The following CARS1 variants were observed in gnomAD, a reference collection of about 807,000 sequenced individuals.
CARS1 encodes cysteinyl-tRNA synthetase 1, also known as cysteine--tRNA ligase, cytoplasmic.
A neutral mutation model predicts 106.2 loss-of-function variants in CARS1; 48 were observed. The ratio of observed to expected loss-of-function variants is 0.45; its 90% confidence interval spans 0.36 to 0.57. CARS1 has a LOEUF of 0.57. CARS1 is among the 20% of genes least tolerant of loss of function. The pLI is 0.00. For missense variants in CARS1, 968 were observed against 1,057.2 expected (o/e 0.92, Z 1.17); for synonymous variants, 409 against 403.4 (o/e 1.01, Z -0.17).
Position 3,001,118 on chromosome 11 carries a change from T to C in CARS1, c.2492A>G (p.Gln831Arg), listed in dbSNP as rs1008411733. The C allele has an allele frequency of 6.2e-6, 10 of 1,614,070 alleles. No homozygotes were observed. In the African/African-American group the frequency reaches 1.1e-4, roughly 17 times the overall value. ...YLQMAQNGSF[Q>R] ...AAAAGTCAGTCCTGTGCCCCCTCACTGGAAGCTTCCATTCTGGGCCATCTG... is the reference window on the plus strand; with the variant it reads ...AAAAGTCAGTCCTGTGCCCCCTCACCGGAAGCTTCCATTCTGGGCCATCTG... The change falls in exon 23 of 23, where the codon CAG becomes CGG. Residue 831 changes from glutamine (Q) to arginine (R), a missense_variant. Physicochemically the swap from Gln to Arg is conservative, Grantham distance 43 (BLOSUM62 1). Transcript: ENST00000380525.
At chr11:3,009,043 A>C (rs1850189594) in intron 18 of CARS1, 2 of 152,316 alleles carry the variant, frequency 1.3e-5, no homozygotes, top group African/African-American at 4.8e-5. Context: ...CCTCAGGCCC[A>C]CACCGACCTC....
At chr11:3,002,637 G>A (rs758847010) in intron 20 of CARS1, 37 bp from the exon 21 acceptor site, 2 of 1,612,752 alleles carry the variant, frequency 1.2e-6, no homozygotes, top group Non-Finnish European at 1.7e-6. Context: ...AGACAGGGCT[G>A]CCTCAGGCTG....
At chr11:3,007,298 CA>C (rs140654588) in intron 18 of CARS1, 526 of 375,412 alleles carry the variant, frequency 1.4e-3, no homozygotes, top group African/African-American at 1.0e-2. Flanking sequence ...GGGCCGACAG[CA>C]GGGGTGGGAG....
In CARS1 at chr11:3,040,550, C is replaced by T. The variant is rs399565; in HGVS notation, c.455+346G>A. 0.39 allele frequency: 191,697 copies of T among 497,304 alleles called. 41,272 individuals are homozygous for T. Among genetic ancestry groups the T allele is most frequent in the East Asian group, 0.66 (11,929 of 17,966 alleles). 30.8% of individuals were successfully genotyped at this position (497,304 alleles called of 1,614,324 possible). ...TCAGGCCTGTCAGGTCTGAGTGTCA[C>T]GGGAACTCAGCATCTGGGGACCCCA... is the stretch of plus-strand genomic sequence containing the variant. On this transcript the variant is annotated intron_variant, in intron 4 of 22. Coordinates refer to ENST00000380525, the MANE Select transcript of CARS1 (RefSeq NM_001014437.3). This position sits in a 1 kb window ranked among gnomAD's most constrained non-coding sequence, Gnocchi z 5.8.
At chr11:3,036,844 T>C (rs967167311) in intron 7 of CARS1, among the ~76,000 whole-genome samples, 1 of 151,632 alleles carries the variant, frequency 6.6e-6, no homozygotes, top group Non-Finnish European at 1.5e-5. Flanking sequence ...CATTCAGCCA[T>C]AGGAAGGAAG....
chr11:3,032,714 C>G (rs1302941383), intron 7 of CARS1, among the ~76,000 whole-genome samples: 1 of 151,886 alleles, frequency 6.6e-6, no homozygotes, highest in East Asian at 1.9e-4. Flanking sequence ...ACTACGGAGA[C>G]AGTAGAAAGA....
At position 3,052,420 on chromosome 11, in the gene CARS1, T is replaced by C. The variant is rs11827189; in HGVS notation, c.26-4419A>G. Reference sequence around the variant, plus strand: ...ATAATCGCTCTGGTATTATTAATGTTATTGTAATAGCCGCATGCTACACAC... The same window carrying C: ...ATAATCGCTCTGGTATTATTAATGTCATTGTAATAGCCGCATGCTACACAC... On this transcript the variant is annotated intron_variant, in intron 1 of 22. Coordinates refer to ENST00000380525, the MANE Select transcript of CARS1 (RefSeq NM_001014437.3). The surrounding 1 kb of genome is among the most constrained non-coding windows in gnomAD (Gnocchi z 4.6). Among the ~76,000 whole-genome samples, 17,216 of 152,322 alleles carry C rather than the reference T, an allele frequency of 0.11. 1,225 individuals are homozygous for C. The highest frequency in any genetic ancestry group is 0.19 in the African/African-American group (7,916 of 41,574).
chr11:3,032,852 C>G (rs1853042094), intron 7 of CARS1, among the ~76,000 whole-genome samples: 1 of 150,956 alleles, frequency 6.6e-6, no homozygotes, highest in African/African-American at 2.4e-5. Flanking sequence ...TGTCCAAACC[C>G]ATAGGATGTA....
At chr11:3,054,062 C>T (rs548276538) in intron 1 of CARS1, among the ~76,000 whole-genome samples, 3 of 152,236 alleles carry the variant, frequency 2.0e-5, no homozygotes, top group Non-Finnish European at 2.9e-5. Context: ...AGACATGAAT[C>T]GTGGGGAGGA....
At position 3,032,599 on chromosome 11, in the gene CARS1, A is replaced by G. The variant is rs77319602; in HGVS notation, c.802-3156T>C. 1.8e-4 allele frequency among the ~76,000 whole-genome samples: 27 copies of G among 152,130 alleles called. No individual in the cohort carries two copies. The East Asian group carries it at 4.4e-3, about 25-fold the overall frequency. On this transcript the variant is annotated intron_variant, in intron 7 of 22. Transcript: ENST00000380525. Reference sequence around the variant, plus strand: ...CTGGGTGAGGAAGAAATCCCTATGCATTTTGGTGATCAGAGGTGAAGTATT... The same window carrying G: ...CTGGGTGAGGAAGAAATCCCTATGCGTTTTGGTGATCAGAGGTGAAGTATT...
rs1259493426 is a variant in CARS1, at chr11:3,018,468, G to A, written c.1569C>T (p.Asp523=). The part of the protein sequence containing the change: ...RLAFLMHSWK[D]TLDYSSNTME... The stretch of plus-strand genomic sequence containing the variant: ...TGGTGTTGCTGGAGTAGTCCAGGGT[G>A]TCCTTCCACGAGTGCATGAGGAAGG... The change falls in exon 14 of 23, where the codon GAC becomes GAT. Residue 523 remains aspartate (D), a synonymous_variant. Transcript: ENST00000380525. 5.6e-6 allele frequency: 9 copies of A among 1,614,032 alleles called. No homozygotes were observed. Among genetic ancestry groups the A allele is most frequent in the Middle Eastern group, 1.6e-4 (1 of 6,084 alleles).
intron 2 of CARS1, 127 bp downstream of exon 2, chr11:3,047,612 CAGGCCACTTGCTCG>C (rs1204661688): frequency 5.2e-6 from 6 of 1,163,338 alleles, no homozygotes; most frequent in Middle Eastern, 2.1e-4. Context: ...TCTGCCCATC[CAGGCCACTTGCTCG>C]AGACACACTT....
At chr11:3,026,374 G>A (rs1395238803) in intron 10 of CARS1, among the ~76,000 whole-genome samples, 7 of 152,198 alleles carry the variant, frequency 4.6e-5, no homozygotes, top group Non-Finnish European at 8.8e-5. Context: ...AAAGGTAAAC[G>A]TCTAAGGTGA....
At chr11:3,015,639 G>C (rs1193264902) in intron 17 of CARS1, 142 bp downstream of exon 17, 3 of 729,222 alleles carry the variant, frequency 4.1e-6, no homozygotes, top group Non-Finnish European at 4.9e-6. Flanking sequence ...CTCAGAGCCA[G>C]AATTGCCATT....
In CARS1 at chr11:3,028,450, C is replaced by T. The variant is rs1015397907; in HGVS notation, c.1031+546G>A. On this transcript the variant is annotated intron_variant, in intron 9 of 22. Transcript: ENST00000380525. This position sits in a 1 kb window ranked among gnomAD's most constrained non-coding sequence, Gnocchi z 4.4. ...ACCGACCCTGTGGGGCTGGTCCCTA[C>T]ACACTACAGACAGATAACCGGGTTC... 3 of 224,916 alleles carry T rather than the reference C, an allele frequency of 1.3e-5. No homozygotes were observed. The highest frequency in any genetic ancestry group is 5.7e-5 in the Admixed American group (1 of 17,654). 13.9% of individuals were successfully genotyped at this position (224,916 alleles called of 1,614,324 possible).
At chr11:3,042,074 G>C (rs1854530065) in intron 3 of CARS1, 91 bp downstream of exon 3, 5 of 885,976 alleles carry the variant, frequency 5.6e-6, no homozygotes, top group Non-Finnish European at 7.3e-6. Flanking sequence ...ACAAGGAACA[G>C]AGAAGTCTGT....
Position 3,044,965 on chromosome 11 carries a change from G to A in CARS1, c.275-2709C>T, listed in dbSNP as rs151273139. Among the ~76,000 whole-genome samples, 2,504 of 152,196 alleles carry A rather than the reference G, an allele frequency of 0.016. 30 individuals are homozygous for A. The highest frequency in any genetic ancestry group is 0.048 in the Middle Eastern group (14 of 294). On this transcript the variant is annotated intron_variant, in intron 2 of 22. Coordinates refer to ENST00000380525, the MANE Select transcript of CARS1 (RefSeq NM_001014437.3). The surrounding 1 kb of genome is among the most constrained non-coding windows in gnomAD (Gnocchi z 4.4). ...ATCAGGAAGTTAAGGGTCCTCCATCGGAGGGGTGAGAGCAACACCAAACCT... is the reference window on the plus strand; with the variant it reads ...ATCAGGAAGTTAAGGGTCCTCCATCAGAGGGGTGAGAGCAACACCAAACCT...
At chr11:3,001,290 C>T (rs1277888002) in intron 22 of CARS1, 42 bp from the exon 23 acceptor site, 1 of 1,604,976 alleles carries the variant, frequency 6.2e-7, no homozygotes, top group Non-Finnish European at 8.5e-7. Flanking sequence ...TCCTCTGCAC[C>T]TGGGTAACCC....
Position 3,003,051 on chromosome 11 carries a change from G to A in CARS1, c.2218-451C>T, listed in dbSNP as rs1429392750. ...CAGGGCAGGATGGGGATGGTGGGCG[G>A]AGGGCAGCCTTGGGGGCTAGGTGAG... On this transcript the variant is annotated intron_variant, in intron 20 of 22. Transcript: ENST00000380525. The surrounding 1 kb of genome is among the most constrained non-coding windows in gnomAD (Gnocchi z 4.8). Among the ~76,000 whole-genome samples, 2 of 152,142 alleles carry A rather than the reference G, an allele frequency of 1.3e-5. No homozygotes were observed. The highest frequency in any genetic ancestry group is 2.9e-5 in the Non-Finnish European group (2 of 68,016).
Sources: gnomAD v4.1 joint callset for allele counts (sites outside exome capture counted in the v4.1 genomes callset) on GRCh38, gnomAD v4.1.1 for gene constraint, Gnocchi (gnomAD v3.1) non-coding constraint, MANE v1.5 for transcripts, NCBI Gene and HGNC (gene_info 2026-07-23, HGNC 2026-07-21) for gene names.